The following TDRD3 variants were observed in gnomAD, a reference collection of about 807,000 sequenced individuals.
TDRD3 encodes the protein tudor domain-containing protein 3.
TDRD3 carries 45 observed loss-of-function variants against 86.7 expected under a neutral mutation model. That is an observed-to-expected ratio of 0.52 (90% confidence interval 0.41 to 0.67). The LOEUF (loss-of-function observed/expected upper bound fraction) is 0.67. Ranked by LOEUF, TDRD3 falls within the 30% of genes least tolerant of loss-of-function variation. TDRD3 has a pLI of 0.00. For synonymous variants in TDRD3, 298 were observed against 301.7 expected, an observed-to-expected ratio of 0.99 and a Z score of 0.13; for missense variants, 814 against 889.0, an observed-to-expected ratio of 0.92 and a Z score of 1.07.
rs536192900 is a variant in TDRD3 at position 60,562,074 on chromosome 13, G to T, written c.2119-5451G>T. On this transcript the variant is annotated intron_variant, in intron 12 of 13. Transcript: ENST00000377881. The stretch of plus-strand genomic sequence containing the variant: ...GCCTGTAATCCCAGCACTTTGAGAG[G>T]CCAAGGTGTGTGGATCACTTGAGAT... Among the ~76,000 whole-genome samples the T allele has an allele frequency of 4.6e-5, 7 of 152,216 alleles. No individual in the cohort carries two copies. The East Asian group carries it at 1.4e-3, about 29-fold the overall frequency.
At chr13:60,487,581 G>T (rs1956473493) in intron 7 of TDRD3, among the ~76,000 whole-genome samples, 1 of 152,182 alleles carries the variant, frequency 6.6e-6, no homozygotes, top group South Asian at 2.1e-4. Context: ...TTTGAAATCT[G>T]CTGGGAGTGG....
intron 12 of TDRD3, among the ~76,000 whole-genome samples, chr13:60,552,426 G>A (rs1301110768): frequency 6.6e-6 from 1 of 152,232 alleles, no homozygotes; most frequent in Non-Finnish European, 1.5e-5. Flanking sequence ...AAGGCCTTGA[G>A]CAGCTCTGCC....
chr13:60,558,852 T>C (rs1356693094), intron 12 of TDRD3, among the ~76,000 whole-genome samples: 1 of 152,070 alleles, frequency 6.6e-6, no homozygotes, highest in Non-Finnish European at 1.5e-5. Context: ...TTATATGAAA[T>C]TATTAGTTTT....
At chr13:60,567,337 C>T (rs1199580821) in intron 12 of TDRD3, among the ~76,000 whole-genome samples, 188 bp from the exon 13 acceptor site, 1 of 135,540 alleles carries the variant, frequency 7.4e-6, no homozygotes. Context: ...TTAACAGTAT[C>T]CCTGCCTTTT....
intron 1 of TDRD3, among the ~76,000 whole-genome samples, chr13:60,424,353 T>C (rs1164184343): frequency 6.6e-6 from 1 of 151,974 alleles, no homozygotes; most frequent in Non-Finnish European, 1.5e-5. Flanking sequence ...TATTGAGTTA[T>C]AAATCACAGA....
At chr13:60,471,279 C>A (rs1354714964) in intron 5 of TDRD3, among the ~76,000 whole-genome samples, 1 of 152,152 alleles carries the variant, frequency 6.6e-6, no homozygotes. Flanking sequence ...GTTTTCCCAG[C>A]ACTACTTTTT....
intron 3 of TDRD3, among the ~76,000 whole-genome samples, chr13:60,458,722 A>G (rs1164319984): frequency 1.3e-5 from 2 of 152,210 alleles, no homozygotes; most frequent in East Asian, 3.8e-4. Flanking sequence ...CACTTGAAAT[A>G]TGGCTAGTAC....
chr13:60,466,288 A>C (rs1955925599), intron 4 of TDRD3, among the ~76,000 whole-genome samples: 1 of 152,194 alleles, frequency 6.6e-6, no homozygotes, highest in South Asian at 2.1e-4. Flanking sequence ...TGTAACAAAA[A>C]AACAGTATTT....
intron 7 of TDRD3, among the ~76,000 whole-genome samples, chr13:60,490,205 TC>T (rs1440249883): frequency 6.6e-6 from 1 of 152,082 alleles, no homozygotes; most frequent in African/African-American, 2.4e-5. Flanking sequence ...ACTCAGAAGA[TC>T]TGAATCATAG....
At chr13:60,406,210 G>A (rs1446556164) in intron 1 of TDRD3, among the ~76,000 whole-genome samples, 1 of 152,178 alleles carries the variant, frequency 6.6e-6, no homozygotes, top group Non-Finnish European at 1.5e-5. Context: ...CAGTATAGGT[G>A]GTGATTGAAA....
chr13:60,515,698 T>TAAAC (rs1202931342), intron 10 of TDRD3, among the ~76,000 whole-genome samples: 4 of 152,162 alleles, frequency 2.6e-5, no homozygotes, highest in Admixed American at 2.0e-4. Flanking sequence ...TATTGTAAAA[T>TAAAC]AAACAAACAA....
At chr13:60,564,508 T>C (rs920877284) in intron 12 of TDRD3, among the ~76,000 whole-genome samples, 3 of 152,132 alleles carry the variant, frequency 2.0e-5, no homozygotes, top group Admixed American at 6.5e-5. Context: ...TTGCAGATCT[T>C]GTAAAGAATC....
At position 60,484,746 on chromosome 13, in the gene TDRD3, T is replaced by A. The variant is rs556282817; in HGVS notation, c.567+900T>A. The A allele has an allele frequency of 5.5e-4, 249 of 452,552 alleles. 1 individual carries two copies. The highest frequency in any genetic ancestry group is 4.4e-3 in the African/African-American group (222 of 50,052). 28.0% of individuals were successfully genotyped at this position (452,552 alleles called of 1,614,324 possible). A position where few individuals can be genotyped will look rare whatever the true frequency, so the allele number is the denominator to read the frequency against. On this transcript the variant is annotated intron_variant, in intron 6 of 13. Coordinates refer to ENST00000377881, the MANE Select transcript of TDRD3 (RefSeq NM_001146070.2). ...GAAAGTGTGAAGTCCTATGGTGTGA[T>A]CCATGTTGATGGTTGGTATTCTCCC...
At chr13:60,481,441 T>C (rs1036860949) in intron 5 of TDRD3, among the ~76,000 whole-genome samples, 11 of 151,846 alleles carry the variant, frequency 7.2e-5, no homozygotes, top group African/African-American at 2.7e-4. Context: ...TTCATTTTTT[T>C]ACCCTAGGCT....
chr13:60,481,650 A>C (rs146884338), intron 5 of TDRD3, among the ~76,000 whole-genome samples: 48 of 151,968 alleles, frequency 3.2e-4, no homozygotes, highest in African/African-American at 1.1e-3. Context: ...TTTTCTTTTA[A>C]ATACTTACAC....
intron 12 of TDRD3, among the ~76,000 whole-genome samples, chr13:60,566,180 A>T (rs1412982915): frequency 6.6e-6 from 1 of 152,180 alleles, no homozygotes; most frequent in African/African-American, 2.4e-5. Flanking sequence ...ACCGAAAGAT[A>T]CTACTGTCTT....
chr13:60,398,048 G>T (rs1331710068), intron 1 of TDRD3, among the ~76,000 whole-genome samples: 1 of 152,208 alleles, frequency 6.6e-6, no homozygotes, highest in Admixed American at 6.5e-5. Flanking sequence ...TTTCTTGAAA[G>T]GATGGTGTTC....
Position 60,485,880 on chromosome 13 carries a change from A to G in TDRD3, c.649A>G (p.Thr217Ala). The change falls in exon 7 of 14, where the codon ACA becomes GCA. Residue 217 changes from threonine (T) to alanine (A), a missense_variant. Transcript: ENST00000377881. ...GCAAGTTACAATGCCTGTCAAACCT[A>G]CAAATGATAATGATGAATTTGAAAA... Reference protein sequence around the residue: ...TLQVTMPVKPTNDNDEFEKQR... With the variant: ...TLQVTMPVKPANDNDEFEKQR... The G allele has an allele frequency of 6.2e-7, 1 of 1,611,430 alleles. No homozygotes were observed. Among genetic ancestry groups the G allele is most frequent in the African/African-American group, 1.3e-5 (1 of 74,916 alleles).
intron 8 of TDRD3, among the ~76,000 whole-genome samples, chr13:60,507,168 A>T (rs1284240512): frequency 6.6e-6 from 1 of 152,220 alleles, no homozygotes; most frequent in Non-Finnish European, 1.5e-5. Context: ...ATATATATGC[A>T]CCCAATACAG....
Sources: gnomAD v4.1 joint callset for allele counts (sites outside exome capture counted in the v4.1 genomes callset) on GRCh38, gnomAD v4.1.1 for gene constraint, MANE v1.5 for transcripts, NCBI Gene and HGNC (gene_info 2026-07-23, HGNC 2026-07-21) for gene names.